Variants in WWOX observed in about 807,000 individuals in gnomAD.
The protein encoded by WWOX is WW domain-containing oxidoreductase.
In WWOX, 69 loss-of-function variants were observed where a neutral mutation model predicts 46.2. That is an observed-to-expected ratio of 1.49 (90% confidence interval 1.23 to 1.82). The LOEUF is 1.82. WWOX is among the 40% of genes most tolerant of loss of function. The pLI is 0.00. For synonymous variants in WWOX, 359 were observed against 202.6 expected (o/e 1.77, Z -6.56); for missense variants, 919 against 542.6 (o/e 1.69, Z -6.89).
intron 5 of WWOX, among the ~76,000 whole-genome samples, chr16:78,180,421 C>T (rs993696469): frequency 1.6e-4 from 24 of 151,892 alleles, no homozygotes; most frequent in Non-Finnish European, 1.8e-4. Context: ...TCCAGCTGCA[C>T]CCAAGAGTAG....
At chr16:79,145,093 T>C (rs1402107132) in intron 8 of WWOX, among the ~76,000 whole-genome samples, 7 of 152,198 alleles carry the variant, frequency 4.6e-5, no homozygotes, top group East Asian at 1.9e-4. Flanking sequence ...CCACTGATTA[T>C]GGGTCAGAGC....
intron 5 of WWOX, among the ~76,000 whole-genome samples, chr16:78,356,846 C>T (rs1168082604): frequency 6.6e-6 from 1 of 152,116 alleles, no homozygotes. Flanking sequence ...GGCACCATTG[C>T]ACTCCAGCCT....
chr16:78,854,805 C>T (rs1465498289), intron 8 of WWOX, among the ~76,000 whole-genome samples: 3 of 152,104 alleles, frequency 2.0e-5, no homozygotes, highest in African/African-American at 4.8e-5. Flanking sequence ...TGGTGTTGAA[C>T]CCCCGACCTC....
chr16:78,962,533 C>T (rs905810322), intron 8 of WWOX, among the ~76,000 whole-genome samples: 1 of 151,990 alleles, frequency 6.6e-6, no homozygotes, highest in Non-Finnish European at 1.5e-5. Context: ...TTCTGTCAGA[C>T]AATTCTCTGA....
At chr16:78,627,693 A>T (rs2046341328) in intron 8 of WWOX, among the ~76,000 whole-genome samples, 1 of 152,240 alleles carries the variant, frequency 6.6e-6, no homozygotes, top group Non-Finnish European at 1.5e-5. Flanking sequence ...AATAACTTTG[A>T]TGCAAATCCT....
At chr16:78,628,676 A>C (rs1283280188) in intron 8 of WWOX, among the ~76,000 whole-genome samples, 1 of 151,796 alleles carries the variant, frequency 6.6e-6, no homozygotes, top group African/African-American at 2.4e-5. Context: ...CACCATGGTC[A>C]CTCCGTGCTT....
chr16:78,758,879 G>T (rs1295140560), intron 8 of WWOX, among the ~76,000 whole-genome samples: 3 of 149,076 alleles, frequency 2.0e-5, no homozygotes, highest in Non-Finnish European at 4.4e-5. Context: ...AGATTTGGAA[G>T]AGAATCTTCT....
intron 8 of WWOX, among the ~76,000 whole-genome samples, chr16:78,487,275 C>G (rs1346398406): frequency 6.6e-6 from 1 of 151,530 alleles, no homozygotes; most frequent in African/African-American, 2.4e-5. Flanking sequence ...GCTAGGTTTC[C>G]CTGAATGACT....
intron 8 of WWOX, among the ~76,000 whole-genome samples, chr16:78,832,681 G>A (rs13338210): frequency 6.6e-6 from 1 of 152,118 alleles, no homozygotes; most frequent in African/African-American, 2.4e-5. Context: ...TCCTGTGGTG[G>A]CCCTCTCAGG....
intron 8 of WWOX, among the ~76,000 whole-genome samples, chr16:79,116,985 C>T (rs1289393894): frequency 1.3e-5 from 2 of 152,108 alleles, no homozygotes; most frequent in Non-Finnish European, 2.9e-5. Context: ...CTACATTAAT[C>T]TTGTACATCT....
rs767903006 is a variant in WWOX at position 78,432,551 on chromosome 16, C to T, written c.855C>T (p.Asn285=). The T allele has an allele frequency of 4.1e-5, 66 of 1,614,036 alleles. No homozygotes were observed. Among genetic ancestry groups the T allele is most frequent in the South Asian group, 7.7e-5 (7 of 91,082 alleles). ...TCAGTCGCCTCTCTCCAACAAAAAACGACTATTGGGCGATGCTGGCTTATA... is the reference window on the plus strand; with the variant it reads ...TCAGTCGCCTCTCTCCAACAAAAAATGACTATTGGGCGATGCTGGCTTATA... ...LDFSRLSPTK[N]DYWAMLAYNR... is the part of the protein sequence containing the mutation. Residue 285 remains asparagine (N), a synonymous_variant, in exon 8 of 9, where the codon AAC becomes AAT. Coordinates refer to ENST00000566780, the MANE Select transcript of WWOX (RefSeq NM_016373.4).
intron 8 of WWOX, among the ~76,000 whole-genome samples, chr16:78,459,748 A>G (rs1019624940): frequency 6.6e-6 from 1 of 152,210 alleles, no homozygotes; most frequent in East Asian, 1.9e-4. Flanking sequence ...ATTTACATTC[A>G]GCCTGAAGGC....
chr16:78,996,335 G>C (rs907690259), intron 8 of WWOX: 3 of 979,284 alleles, frequency 3.1e-6, no homozygotes, highest in Non-Finnish European at 3.6e-6. Context: ...ACAGAAGATA[G>C]AAAGGATGAA....
intron 5 of WWOX, among the ~76,000 whole-genome samples, chr16:78,250,537 TG>T (rs1004426736): frequency 6.6e-6 from 1 of 152,122 alleles, no homozygotes; most frequent in Middle Eastern, 3.2e-3. Context: ...TGCTGTGCCA[TG>T]GGAGGTGGAG....
At chr16:79,139,058 C>A (rs1048910349) in intron 8 of WWOX, among the ~76,000 whole-genome samples, 1 of 152,210 alleles carries the variant, frequency 6.6e-6, no homozygotes, top group African/African-American at 2.4e-5. Context: ...GATGGTCCCC[C>A]CTCAGCGTTC....
At chr16:78,573,371 T>A (rs1190267798) in intron 8 of WWOX, among the ~76,000 whole-genome samples, 2 of 152,220 alleles carry the variant, frequency 1.3e-5, no homozygotes, top group African/African-American at 2.4e-5. Context: ...TACTTGGCTG[T>A]TTTGTTTTTT....
rs75865436 is a variant in WWOX at position 78,637,759 on chromosome 16, G to C, written c.1056+205007G>C. 1.1e-3 allele frequency among the ~76,000 whole-genome samples: 163 copies of C among 152,334 alleles called. 2 individuals carry two copies. In the East Asian group the frequency reaches 0.024, roughly 22 times the overall value. On this transcript the variant is annotated intron_variant, in intron 8 of 8. Coordinates refer to ENST00000566780, the MANE Select transcript of WWOX (RefSeq NM_016373.4). Reference sequence around the variant, plus strand: ...TAAACACCTTTGGTGGCAGCTAAGAGTGTCAAAATGGAGGGATGTGTAGGG... The same window carrying C: ...TAAACACCTTTGGTGGCAGCTAAGACTGTCAAAATGGAGGGATGTGTAGGG...
At chr16:78,174,752 C>T (rs1268396580) in intron 5 of WWOX, among the ~76,000 whole-genome samples, 4 of 152,146 alleles carry the variant, frequency 2.6e-5, no homozygotes, top group Non-Finnish European at 5.9e-5. Context: ...CTTTGGGAGG[C>T]CAAGGCGGGC....
At chr16:78,906,193 G>A (rs1237795393) in intron 8 of WWOX, among the ~76,000 whole-genome samples, 1 of 152,172 alleles carries the variant, frequency 6.6e-6, no homozygotes, top group South Asian at 2.1e-4. Context: ...GCAGCAGAGA[G>A]CCACTGGTGT....
Sources: allele counts gnomAD v4.1 joint callset (sites outside exome capture counted in the v4.1 genomes callset), GRCh38; gene constraint gnomAD v4.1.1; transcripts MANE v1.5; gene names NCBI Gene and HGNC (gene_info 2026-07-23, HGNC 2026-07-21).